The following TARM1 variants were observed in gnomAD, a reference collection of about 807,000 sequenced individuals.
The protein encoded by TARM1 is T cell-interacting, activating receptor on myeloid cells 1.
In TARM1, 24 loss-of-function variants were observed where a neutral mutation model predicts 30.4. The observed-to-expected ratio is 0.79, with a 90% CI of 0.57 to 1.11. The LOEUF is 1.11. Ranked by LOEUF, TARM1 falls within the 50% of genes least tolerant of loss-of-function variation. The pLI is 0.00. For synonymous variants in TARM1, 129 were observed against 138.9 expected, an observed-to-expected ratio of 0.93 and a Z score of 0.50; for missense variants, 323 against 332.8, an observed-to-expected ratio of 0.97 and a Z score of 0.23.
chr19:54,079,148 C>T (rs770574262), intron 1 of TARM1, among the ~76,000 whole-genome samples: 11 of 148,658 alleles, frequency 7.4e-5, no homozygotes, highest in Non-Finnish European at 1.6e-4. Flanking sequence ...CCAGTGATCC[C>T]AGCTACTCGG....
At chr19:54,080,048 G>GGAA (rs1457561302) in intron 1 of TARM1, among the ~76,000 whole-genome samples, 31 of 110,942 alleles carry the variant, frequency 2.8e-4, no homozygotes, top group South Asian at 6.4e-4. Context: ...AAGGAAGGAA[G>GGAA]GGAAAGAGAG....
intron 1 of TARM1, among the ~76,000 whole-genome samples, chr19:54,079,628 G>T (rs2072046399): frequency 6.6e-6 from 1 of 151,804 alleles, no homozygotes; most frequent in South Asian, 2.1e-4. Context: ...AAGGCAGAAG[G>T]GCTGCTTGAG....
At chr19:54,080,331 G>A (rs145474469) in intron 1 of TARM1, among the ~76,000 whole-genome samples, 6,558 of 149,434 alleles carry the variant, frequency 0.044, 397 homozygotes, top group African/African-American at 0.14. Flanking sequence ...GGTGGCGGGC[G>A]CCTGTAGTCC....
At chr19:54,071,589 G>A (rs2014150) in intron 4 of TARM1, among the ~76,000 whole-genome samples, 100,646 of 151,504 alleles carry the variant, frequency 0.66, 34,178 homozygotes, top group East Asian at 0.88. Flanking sequence ...AGGCTAAAGT[G>A]GGAGGATTGC....
At chr19:54,079,832 G>A (rs1016005347) in intron 1 of TARM1, among the ~76,000 whole-genome samples, 3 of 151,904 alleles carry the variant, frequency 2.0e-5, no homozygotes, top group Admixed American at 6.6e-5. Flanking sequence ...ATGAAACCCC[G>A]TCTCTACTAA....
chr19:54,074,734 G>T, intron 3 of TARM1, 90 bp downstream of exon 3: 1 of 1,369,850 alleles, frequency 7.3e-7, no homozygotes, highest in Non-Finnish European at 9.9e-7. Flanking sequence ...CAACTACTCT[G>T]AAGGTGGGAC....
At chr19:54,074,758 C>T in intron 3 of TARM1, 66 bp downstream of exon 3, 1 of 1,495,584 alleles carries the variant, frequency 6.7e-7, no homozygotes, top group South Asian at 1.3e-5. Context: ...TTTTCTCCCT[C>T]TGTTCCTCCA....
At chr19:54,072,877 C>A (rs8101558) in intron 4 of TARM1, among the ~76,000 whole-genome samples, 26,224 of 151,954 alleles carry the variant, frequency 0.17, 2,688 homozygotes, top group African/African-American at 0.28. Flanking sequence ...ACTCAAGTGG[C>A]TGAGGCAGGA....
At chr19:54,079,712 G>A (rs761463994) in intron 1 of TARM1, among the ~76,000 whole-genome samples, 17 of 151,524 alleles carry the variant, frequency 1.1e-4, no homozygotes, top group Non-Finnish European at 1.9e-4. Context: ...ATTACACGGG[G>A]CACTGTGGCT....
intron 4 of TARM1, among the ~76,000 whole-genome samples, chr19:54,071,500 G>A (rs2071811410): frequency 6.6e-6 from 1 of 151,954 alleles, no homozygotes; most frequent in Non-Finnish European, 1.5e-5. Context: ...AGCACACACT[G>A]CTGTGCAGCA....
intron 1 of TARM1, among the ~76,000 whole-genome samples, chr19:54,080,490 GGAAGGGAGGAAGGAAGGA>G (rs2072098599): frequency 1.5e-4 from 13 of 85,104 alleles, no homozygotes; most frequent in African/African-American, 5.2e-4. Flanking sequence ...GAGAGAGGAA[GGAAGGGAGGAAGGAAGGA>G]AGGAAGGAAG....
chr19:54,078,498 C>T (rs587740094), intron 1 of TARM1, among the ~76,000 whole-genome samples: 15 of 152,186 alleles, frequency 9.9e-5, no homozygotes, highest in African/African-American at 2.9e-4. Flanking sequence ...CTTGCCTCAG[C>T]CTCCCAAGTA....
intron 1 of TARM1, among the ~76,000 whole-genome samples, chr19:54,078,159 C>G: frequency 7.4e-6 from 1 of 135,522 alleles, no homozygotes; most frequent in Admixed American, 7.6e-5. Flanking sequence ...ATGCTTTTTT[C>G]TTTTTCTTTT....
Position 54,075,040 on chromosome 19 carries a change from A to G in TARM1, c.145T>C (p.Cys49Arg), listed in dbSNP as rs2071913008. Residue 49 changes from cysteine to arginine, a missense_variant, in exon 3 of 5, where the codon TGT becomes CGT. Physicochemically the swap from Cys to Arg is radical, Grantham distance 180 (BLOSUM62 -3). Coordinates refer to ENST00000432826, the MANE Select transcript of TARM1 (RefSeq NM_001135686.3). ...VPANSNVTLR[C>R]WTPARGVSFV... Reference sequence around the variant, plus strand: ...CTCACACCTCTGGCAGGAGTCCAACATCGCAGCGTCACATTGCTGTTGGCA... The same window carrying G: ...CTCACACCTCTGGCAGGAGTCCAACGTCGCAGCGTCACATTGCTGTTGGCA... 1 of 1,551,392 alleles carries G rather than the reference A, an allele frequency of 6.4e-7. No homozygotes were observed. The highest frequency in any genetic ancestry group is 1.4e-5 in the African/African-American group (1 of 72,994).
chr19:54,076,735 G>A (rs2071965948), intron 1 of TARM1, among the ~76,000 whole-genome samples: 1 of 151,850 alleles, frequency 6.6e-6, no homozygotes, highest in Non-Finnish European at 1.5e-5. Flanking sequence ...CCAGGTTGGA[G>A]TGCAGTGGCT....
chr19:54,072,204 C>CA (rs1226245948), intron 4 of TARM1, among the ~76,000 whole-genome samples: 1 of 151,924 alleles, frequency 6.6e-6, no homozygotes, highest in Non-Finnish European at 1.5e-5. Context: ...AACAAACAAA[C>CA]AAAAAAACTC....
chr19:54,072,973 G>A (rs2071848594), intron 4 of TARM1, among the ~76,000 whole-genome samples: 1 of 151,832 alleles, frequency 6.6e-6, no homozygotes, highest in African/African-American at 2.4e-5. Context: ...GCGAGACTCT[G>A]TCTCAAAAAC....
chr19:54,081,184 C>T (rs756547165), intron 1 of TARM1, 123 bp downstream of exon 1: 70 of 859,678 alleles, frequency 8.1e-5, no homozygotes, highest in Non-Finnish European at 1.2e-4. Flanking sequence ...CTCAGCAGGA[C>T]GTCTCACTCC....
chr19:54,081,317 G>C lies in TARM1; in HGVS notation c.24C>G (p.Leu8=). 1.3e-6 allele frequency: 2 copies of C among 1,546,834 alleles called. No homozygotes were observed. Among genetic ancestry groups the C allele is most frequent in the Non-Finnish European group, 1.7e-6 (2 of 1,145,260 alleles). ...CCCTGTGAGACTTACTGAAACAGAG[G>C]AGGGAAAGCAGCTTAGGGATCATGA... is the stretch of plus-strand genomic sequence containing the variant. MIPKLLS[L]LCFRLCVGQG... The change falls in exon 1 of 5, where the codon CTC becomes CTG. Residue 8 remains leucine (L), a synonymous_variant. Transcript: ENST00000432826.
Sources: allele counts gnomAD v4.1 joint callset (sites outside exome capture counted in the v4.1 genomes callset), GRCh38; gene constraint gnomAD v4.1.1; transcripts MANE v1.5; gene names NCBI Gene and HGNC (gene_info 2026-07-23, HGNC 2026-07-21).